The following GDPD5 variants were observed in gnomAD, a reference collection of about 807,000 sequenced individuals.
GDPD5 encodes the protein glycerophosphodiester phosphodiesterase 2.
Under a neutral mutation model 75.1 loss-of-function variants are expected in GDPD5, and 48 were observed. That is an observed-to-expected ratio of 0.64 (90% CI 0.51 to 0.81). The LOEUF (loss-of-function observed/expected upper bound fraction) is 0.81, where lower values mean the gene tolerates loss of function less well. Ranked by LOEUF, GDPD5 falls within the 40% of genes least tolerant of loss-of-function variation. The probability of loss-of-function intolerance (pLI) is 0.00; values close to 1 mark genes in which losing one functional copy is unlikely to be tolerated. For missense variants in GDPD5, 706 were observed against 822.6 expected (o/e 0.86, Z 1.73); for synonymous variants, 336 against 339.0 (o/e 0.99, Z 0.10).
chr11:75,473,340 A>G (rs939385764), intron 3 of GDPD5, among the ~76,000 whole-genome samples: 4 of 151,976 alleles, frequency 2.6e-5, no homozygotes, highest in Non-Finnish European at 5.9e-5. Flanking sequence ...ATGTGTTCCC[A>G]TCTCCAGGAT....
At chr11:75,467,904 T>C (rs1949556817) in intron 3 of GDPD5, among the ~76,000 whole-genome samples, 1 of 152,168 alleles carries the variant, frequency 6.6e-6, no homozygotes, top group Non-Finnish European at 1.5e-5. Context: ...GATGGTCATG[T>C]CTTCTCTTCA....
chr11:75,476,991 T>C (rs1949793529), intron 3 of GDPD5, among the ~76,000 whole-genome samples: 1 of 151,444 alleles, frequency 6.6e-6, no homozygotes, highest in Admixed American at 6.6e-5. Flanking sequence ...AGGAGGAAAG[T>C]TGTTCTCCAG....
rs111458998 is a variant in GDPD5, at chr11:75,477,658, A to G, written c.78T>C (p.Arg26=). 5.6e-6 allele frequency: 9 copies of G among 1,599,116 alleles called. No homozygotes were observed. Among genetic ancestry groups the G allele is most frequent in the African/African-American group, 2.7e-5 (2 of 74,822 alleles). ...LSCLTGIYGC[R]WKRYQRSHDD... ...CATGGGAGCGCTGGTAGCGCTTCCA[A>G]CGGCAGCCGTAGATGCCCGTGAGGC... The change falls in exon 3 of 17, where the codon CGT becomes CGC. Residue 26 remains arginine, a synonymous_variant. Coordinates refer to ENST00000336898, the MANE Select transcript of GDPD5 (RefSeq NM_030792.8).
At position 75,449,009 on chromosome 11, in the gene GDPD5, G is replaced by A. The variant is rs1384534862; in HGVS notation, c.682C>T (p.Pro228Ser). ...IMEKKDLGPK[P>S]ALIGHRGAPM... ...GCCCCGCGGTGGCCAATGAGAGCAG[G>A]CTTGGGGCCGAGGTCTTTCTTCTCC... Residue 228 changes from proline to serine, a missense_variant, in exon 9 of 17, where the codon CCT becomes TCT. Transcript: ENST00000336898. The A allele has an allele frequency of 3.7e-6, 6 of 1,603,856 alleles. No individual in the cohort carries two copies. The highest frequency in any genetic ancestry group is 1.7e-4 in the Middle Eastern group (1 of 5,964).
chr11:75,448,764 CA>C (rs1949052075), intron 9 of GDPD5: 1 of 1,221,056 alleles, frequency 8.2e-7, no homozygotes, highest in Admixed American at 4.3e-5. Context: ...GCACTTAGGA[CA>C]AAACTGAAAT....
chr11:75,453,635 A>G (rs1318818441), intron 6 of GDPD5, among the ~76,000 whole-genome samples: 1 of 147,898 alleles, frequency 6.8e-6, no homozygotes, highest in East Asian at 2.0e-4. Flanking sequence ...AAAAAAAAAT[A>G]CAAACATACT....
At chr11:75,520,847 C>T (rs1318928962) in intron 1 of GDPD5, among the ~76,000 whole-genome samples, 1 of 152,194 alleles carries the variant, frequency 6.6e-6, no homozygotes, top group Non-Finnish European at 1.5e-5. Flanking sequence ...CCTCCAGTCC[C>T]GCCAACTTGG....
chr11:75,456,763 C>T lies in GDPD5; in HGVS notation c.369G>A (p.Leu123=). ...AVGQQMNLHW[L]HKIGLVVILA... is the part of the protein sequence containing the mutation. ...CGGCCGAGGCGGCCCTTACCTTGTG[C>T]AGCCAGTGCAGGTTCATCTGCTGCC... Residue 123 remains leucine, a synonymous_variant, in exon 6 of 17, where the codon CTG becomes CTA. Transcript: ENST00000336898. The T allele has an allele frequency of 6.2e-7, 1 of 1,614,202 alleles. No homozygotes were observed. Among genetic ancestry groups the T allele is most frequent in the Non-Finnish European group, 8.5e-7 (1 of 1,180,018 alleles).
At chr11:75,486,960 C>G (rs937879570) in intron 2 of GDPD5, among the ~76,000 whole-genome samples, 4 of 152,160 alleles carry the variant, frequency 2.6e-5, no homozygotes, top group African/African-American at 7.2e-5. Context: ...GAGGGCATCC[C>G]AAACAGCTCA....
At chr11:75,521,863 G>A (rs1339074476) in intron 1 of GDPD5, among the ~76,000 whole-genome samples, 1 of 152,164 alleles carries the variant, frequency 6.6e-6, no homozygotes, top group Non-Finnish European at 1.5e-5. Flanking sequence ...GCAGAGCAAT[G>A]AGCCAGAAGG....
intron 1 of GDPD5, chr11:75,515,982 G>A (rs1333608341): frequency 6.6e-6 from 1 of 152,238 alleles, no homozygotes; most frequent in African/African-American, 2.4e-5. Context: ...TGTGTCCTAA[G>A]GACAGTGTAT....
intron 1 of GDPD5, among the ~76,000 whole-genome samples, chr11:75,517,632 G>T (rs995939713): frequency 6.6e-6 from 1 of 152,076 alleles, no homozygotes; most frequent in African/African-American, 2.4e-5. Context: ...CTTGAGCCTG[G>T]TGCCATCCTC....
At chr11:75,524,079 G>A (rs1432660358) in intron 1 of GDPD5, among the ~76,000 whole-genome samples, 5 of 152,238 alleles carry the variant, frequency 3.3e-5, no homozygotes, top group Non-Finnish European at 1.5e-5. Context: ...GGGGGCAGCA[G>A]AAGCATCCCC....
At chr11:75,462,174 G>C (rs955930898) in intron 4 of GDPD5, among the ~76,000 whole-genome samples, 2 of 152,162 alleles carry the variant, frequency 1.3e-5, no homozygotes, top group Admixed American at 1.3e-4. Context: ...ATACAAAGGG[G>C]GTAACCAAAG....
intron 1 of GDPD5, among the ~76,000 whole-genome samples, chr11:75,520,541 C>T (rs1364000566): frequency 6.6e-6 from 1 of 152,064 alleles, no homozygotes; most frequent in African/African-American, 2.4e-5. Context: ...GGGAAGCAGA[C>T]CAAGCAGAAC....
rs769614858 is a variant in GDPD5 at position 75,455,395 on chromosome 11, G to A, written c.375+1362C>T. The A allele has an allele frequency of 1.5e-5, 7 of 456,594 alleles. 1 individual carries two copies. Among genetic ancestry groups the A allele is most frequent in the South Asian group, 1.1e-4 (7 of 64,562 alleles). 28.3% of individuals were successfully genotyped at this position (456,594 alleles called of 1,614,324 possible). On this transcript the variant is annotated intron_variant, in intron 6 of 16. Coordinates refer to ENST00000336898, the MANE Select transcript of GDPD5 (RefSeq NM_030792.8). ...GGGCAGGAGGAAGGTGGGGGGACCAGGGGCTGCTCACGGCTCCTACCACTC... is the reference window on the plus strand; with the variant it reads ...GGGCAGGAGGAAGGTGGGGGGACCAAGGGCTGCTCACGGCTCCTACCACTC...
chr11:75,466,369 G>A (rs1035425791), intron 3 of GDPD5, among the ~76,000 whole-genome samples: 18 of 152,258 alleles, frequency 1.2e-4, no homozygotes, highest in Non-Finnish European at 2.2e-4. Context: ...AGGAAGGGAA[G>A]GGGAAGGTGA....
chr11:75,437,135 T>G, intron 15 of GDPD5, 87 bp from the exon 16 acceptor site: 1 of 961,518 alleles, frequency 1.0e-6, no homozygotes, highest in South Asian at 1.4e-5. Context: ...CCTCTCTGGA[T>G]GTGGCCCAAG....
chr11:75,440,203 G>A (rs930786031), intron 14 of GDPD5, among the ~76,000 whole-genome samples: 1 of 152,168 alleles, frequency 6.6e-6, no homozygotes, highest in Non-Finnish European at 1.5e-5. Flanking sequence ...GGGACTGTAT[G>A]GTGCTCAGGG....
Sources: gnomAD v4.1 joint callset for allele counts (sites outside exome capture counted in the v4.1 genomes callset) on GRCh38, gnomAD v4.1.1 for gene constraint, MANE v1.5 for transcripts, NCBI Gene and HGNC (gene_info 2026-07-23, HGNC 2026-07-21) for gene names.